BCO1: variants seen among roughly 807,000 people sequenced by gnomAD.
BCO1 encodes the protein beta-carotene oxygenase 1.
BCO1 carries 54 observed loss-of-function variants against 56.3 expected under a neutral mutation model. That is an observed-to-expected ratio of 0.96 (90% CI 0.77 to 1.20). The LOEUF (loss-of-function observed/expected upper bound fraction) is 1.20, where lower values mean the gene tolerates loss of function less well. Ranked by LOEUF, BCO1 falls within the 50% of genes most tolerant of loss-of-function variation. The pLI, the probability that BCO1 is intolerant of heterozygous loss-of-function variation, is 0.00. For synonymous variants in BCO1, 318 were observed against 266.1 expected (o/e 1.20, Z -1.90); for missense variants, 801 against 690.9 (o/e 1.16, Z -1.79).
At chr16:81,267,590 G>A (rs978086842) in intron 5 of BCO1, among the ~76,000 whole-genome samples, 3 of 152,196 alleles carry the variant, frequency 2.0e-5, no homozygotes, top group African/African-American at 7.2e-5. Flanking sequence ...TCCAGTCTGG[G>A]CAGCAGAGGG....
At chr16:81,262,073 G>C in intron 3 of BCO1, 63 bp from the exon 4 acceptor site, 1 of 1,581,094 alleles carries the variant, frequency 6.3e-7, no homozygotes. Context: ...AAGCCATCAA[G>C]GATAGACTTC....
intron 5 of BCO1, among the ~76,000 whole-genome samples, chr16:81,266,397 A>G (rs539965064): frequency 1.3e-5 from 2 of 152,178 alleles, no homozygotes; most frequent in Non-Finnish European, 2.9e-5. Context: ...CAGAACTACA[A>G]CGGTGCTTCC....
At chr16:81,251,911 C>T (rs1233965081) in intron 2 of BCO1, among the ~76,000 whole-genome samples, 3 of 147,724 alleles carry the variant, frequency 2.0e-5, no homozygotes, top group African/African-American at 7.9e-5. Context: ...TATATCTTCC[C>T]TTCTTCCCCA....
chr16:81,283,725 C>T (rs1177721682), intron 8 of BCO1, among the ~76,000 whole-genome samples: 2 of 152,038 alleles, frequency 1.3e-5, no homozygotes, highest in African/African-American at 4.8e-5. Flanking sequence ...CCCACTGAGC[C>T]TAATCAGCAT....
At chr16:81,287,196 C>A in intron 9 of BCO1, 99 bp from the exon 10 acceptor site, 1 of 911,354 alleles carries the variant, frequency 1.1e-6, no homozygotes, top group South Asian at 1.3e-5. Flanking sequence ...ATCCGATGGG[C>A]TTCATCTCCT....
At chr16:81,245,047 C>T (rs1273940817) in intron 1 of BCO1, among the ~76,000 whole-genome samples, 1 of 152,032 alleles carries the variant, frequency 6.6e-6, no homozygotes, top group Non-Finnish European at 1.5e-5. Context: ...CTCACTATGA[C>T]GCCCAGCTAA....
At chr16:81,262,462 GT>G in intron 4 of BCO1, 179 bp downstream of exon 4, 1 of 682,160 alleles carries the variant, frequency 1.5e-6, no homozygotes, top group Non-Finnish European at 2.6e-6. Flanking sequence ...GGACTGTGTT[GT>G]TTTTATCTTC....
At chr16:81,266,920 C>G (rs1008817635) in intron 5 of BCO1, among the ~76,000 whole-genome samples, 1 of 152,198 alleles carries the variant, frequency 6.6e-6, no homozygotes, top group Non-Finnish European at 1.5e-5. Flanking sequence ...CTCCCACCAG[C>G]CAGCTGTTTA....
intron 1 of BCO1, among the ~76,000 whole-genome samples, chr16:81,241,677 G>T (rs6564853): frequency 6.6e-6 from 1 of 151,998 alleles, no homozygotes; most frequent in African/African-American, 2.4e-5. Context: ...ATTGACAGAT[G>T]GGAAACTGAG....
chr16:81,272,748 T>C (rs1422297920), intron 7 of BCO1, among the ~76,000 whole-genome samples: 3 of 152,252 alleles, frequency 2.0e-5, no homozygotes, highest in South Asian at 2.1e-4. Context: ...ATGGCTTACA[T>C]TGACTAAATG....
intron 1 of BCO1, 48 bp downstream of exon 1, chr16:81,239,020 A>AT (rs11339898): frequency 0.14 from 185,798 of 1,283,676 alleles, 1,245 homozygotes; most frequent in Middle Eastern, 0.18. Context: ...TTATTTTATT[A>AT]TTTTTTTTTT....
chr16:81,259,639 G>A (rs1166589007), intron 2 of BCO1, 37 bp from the exon 3 acceptor site: 1 of 1,613,976 alleles, frequency 6.2e-7, no homozygotes, highest in South Asian at 1.1e-5. Flanking sequence ...CCCTGTGAAG[G>A]CGTCAGCCTG....
intron 2 of BCO1, among the ~76,000 whole-genome samples, chr16:81,254,295 ATTTTTTTTTTTTTTTTT>A (rs57961725): frequency 1.3e-5 from 1 of 78,288 alleles, no homozygotes; most frequent in Non-Finnish European, 2.3e-5. Flanking sequence ...CGCCCGGCTA[ATTTTTTTTTTTTTTTTT>A]TTTTTTTTTT....
chr16:81,257,430 A>G (rs943170282), intron 2 of BCO1, among the ~76,000 whole-genome samples: 2 of 151,452 alleles, frequency 1.3e-5, no homozygotes, highest in African/African-American at 2.4e-5. Flanking sequence ...ACACCCAGCT[A>G]ATTTTTGCAT....
chr16:81,267,419 C>G (rs751571412), intron 5 of BCO1, among the ~76,000 whole-genome samples: 1 of 152,172 alleles, frequency 6.6e-6, no homozygotes, highest in African/African-American at 2.4e-5. Context: ...TCGAGAACAG[C>G]CTGGCCAACA....
chr16:81,282,829 C>A (rs1030294594), intron 8 of BCO1, among the ~76,000 whole-genome samples: 14 of 152,184 alleles, frequency 9.2e-5, no homozygotes, highest in Non-Finnish European at 2.1e-4. Flanking sequence ...GATTGTGTGA[C>A]ATAGGCCGGG....
chr16:81,264,168 T>C (rs932280087), intron 4 of BCO1: 3 of 221,716 alleles, frequency 1.4e-5, no homozygotes, highest in African/African-American at 6.8e-5. Flanking sequence ...GCCTAGAGAT[T>C]TATGCTTCTG....
intron 2 of BCO1, among the ~76,000 whole-genome samples, chr16:81,247,376 C>A: frequency 6.6e-6 from 1 of 152,120 alleles, no homozygotes; most frequent in East Asian, 1.9e-4. Flanking sequence ...TTAAAAATCA[C>A]CATTGACCAG....
At chr16:81,267,047 G>C (rs772564635) in intron 5 of BCO1, among the ~76,000 whole-genome samples, 5 of 152,170 alleles carry the variant, frequency 3.3e-5, no homozygotes, top group Non-Finnish European at 7.3e-5. Flanking sequence ...TGCTTGCAGA[G>C]GAATAAGAAA....
Sources: gnomAD v4.1 joint callset for allele counts (sites outside exome capture counted in the v4.1 genomes callset) on GRCh38, gnomAD v4.1.1 for gene constraint, MANE v1.5 for transcripts, NCBI Gene and HGNC (gene_info 2026-07-23, HGNC 2026-07-21) for gene names.